Variants in NDST1 observed in about 807,000 individuals in gnomAD.
NDST1 encodes the protein bifunctional heparan sulfate N-deacetylase/N-sulfotransferase 1.
In NDST1, 35 loss-of-function variants were observed where a neutral mutation model predicts 92.8. The ratio of observed to expected loss-of-function variants is 0.38; its 90% CI spans 0.29 to 0.50. NDST1 has a LOEUF of 0.50. Among genes scored for constraint, NDST1 ranks in the 20% least tolerant of loss-of-function variants. NDST1 has a pLI of 0.94. For missense variants in NDST1, 822 were observed against 1,182.7 expected (o/e 0.69, Z 4.47); for synonymous variants, 493 against 500.3 (o/e 0.99, Z 0.19).
rs1327790716 is a variant in NDST1, at chr5:150,520,877, C to T, written c.-378C>T. On this transcript the variant is annotated 5_prime_UTR_variant, in exon 2 of 15. Coordinates refer to ENST00000261797, the MANE Select transcript of NDST1 (RefSeq NM_001543.5). ...TCTCCACTCTCCACAGCCTTAGCCC[C>T]GTGGGCCCCACGGAGTGAGCGGCAT... 18 of 472,740 alleles carry T rather than the reference C, an allele frequency of 3.8e-5. No individual in the cohort carries two copies. Among genetic ancestry groups the T allele is most frequent in the African/African-American group, 9.8e-5 (5 of 51,122 alleles). 29.3% of individuals were successfully genotyped at this position (472,740 alleles called of 1,614,324 possible). A position where few individuals can be genotyped will look rare whatever the true frequency, so the allele number is the denominator to read the frequency against.
At position 150,553,529 on chromosome 5, in the gene NDST1, G is replaced by C; in HGVS notation, c.*197G>C. 1.4e-6 allele frequency: 1 copy of C among 694,650 alleles called. No homozygotes were observed. Among genetic ancestry groups the C allele is most frequent in the South Asian group, 1.5e-5 (1 of 65,736 alleles). 43.0% of individuals were successfully genotyped at this position (694,650 alleles called of 1,614,324 possible). A position where few individuals can be genotyped will look rare whatever the true frequency, so the allele number is the denominator to read the frequency against. ...TCGGAGCACCCACCGCTGGGTCTGC[G>C]GCCTAAGGGACCTCCCTCGCCAGCA... On this transcript the variant is annotated 3_prime_UTR_variant, in exon 15 of 15. Transcript: ENST00000261797. This position sits in a 1 kb window ranked among gnomAD's most constrained non-coding sequence, Gnocchi z 4.2.
intron 6 of NDST1, among the ~76,000 whole-genome samples, chr5:150,537,644 C>A (rs1755053362): frequency 6.6e-6 from 1 of 152,230 alleles, no homozygotes; most frequent in Non-Finnish European, 1.5e-5. Flanking sequence ...TTTAATTTCG[C>A]CCCGTCCTGT....
chr5:150,507,482 T>TG (rs560374791), upstream of NDST1, among the ~76,000 whole-genome samples: 7 of 152,240 alleles, frequency 4.6e-5, no homozygotes, highest in East Asian at 1.3e-3. Context: ...GGTCTCGTCT[T>TG]TGTAAGACCC....
Position 150,528,082 on chromosome 5 carries a change from C to T in NDST1, c.792C>T (p.Ala264=). 1.2e-6 allele frequency: 2 copies of T among 1,613,788 alleles called. No homozygotes were observed. Among genetic ancestry groups the T allele is most frequent in the Non-Finnish European group, 8.5e-7 (1 of 1,179,788 alleles). The change falls in exon 3 of 15, where the codon GCC becomes GCT. Residue 264 remains alanine (A), a synonymous_variant. Coordinates refer to ENST00000261797, the MANE Select transcript of NDST1 (RefSeq NM_001543.5). ...ADAGLHAALH[A]TVVQDLGLHD... ...CCGGCCTGCATGCTGCACTGCACGC[C>T]ACTGTGGTCCAGGACCTGGGCCTGC...
chr5:150,531,554 GC>G (rs1282212481), intron 3 of NDST1, among the ~76,000 whole-genome samples: 1 of 146,940 alleles, frequency 6.8e-6, no homozygotes, highest in Non-Finnish European at 1.5e-5. Flanking sequence ...AGGCTGGAGT[GC>G]AGTGACGTTA....
At position 150,545,356 on chromosome 5, in the gene NDST1, T is replaced by C; in HGVS notation, c.2015T>C (p.Phe672Ser). 6.2e-7 allele frequency: 1 copy of C among 1,614,214 alleles called. No homozygotes were observed. The highest frequency in any genetic ancestry group is 1.7e-5 in the Admixed American group (1 of 60,028). Residue 672 changes from phenylalanine to serine, a missense_variant, in exon 11 of 15, where the codon TTC becomes TCC. Physicochemically the swap from Phe to Ser is radical, Grantham distance 155. Transcript: ENST00000261797. ...FPIPSNTTSD[F>S]YFEKSANYFD... The stretch of plus-strand genomic sequence containing the variant: ...ATCCCTTCCAACACCACCTCCGACT[T>C]CTACTTTGAGAAAAGCGCCAACTAC...
intron 2 of NDST1, among the ~76,000 whole-genome samples, chr5:150,527,524 A>G (rs1379303988): frequency 6.6e-6 from 1 of 152,242 alleles, no homozygotes; most frequent in African/African-American, 2.4e-5. Flanking sequence ...GCTATGTGTA[A>G]AATGGGTATG....
At chr5:150,513,893 G>C (rs191056471) in intron 1 of NDST1, among the ~76,000 whole-genome samples, 129 of 152,372 alleles carry the variant, frequency 8.5e-4, no homozygotes, top group African/African-American at 2.8e-3. Flanking sequence ...CAGAGCAGTG[G>C]CCACGGTTAC....
At chr5:150,517,459 C>G (rs1244245301) in intron 1 of NDST1, among the ~76,000 whole-genome samples, 1 of 152,124 alleles carries the variant, frequency 6.6e-6, no homozygotes, top group Non-Finnish European at 1.5e-5. Flanking sequence ...AAATTTGTTG[C>G]AACAGATGAC....
chr5:150,528,393 C>T (rs1754566218), intron 3 of NDST1, 95 bp downstream of exon 3: 6 of 1,382,942 alleles, frequency 4.3e-6, no homozygotes, highest in South Asian at 1.4e-5. Context: ...GTCTGCATCT[C>T]CCCTATGCTG....
intron 12 of NDST1, among the ~76,000 whole-genome samples, chr5:150,549,392 G>A (rs774611536): frequency 6.6e-6 from 1 of 152,236 alleles, no homozygotes; most frequent in Non-Finnish European, 1.5e-5. Context: ...AGCTCAGAGA[G>A]AGGCCAGAGA....
Position 150,528,064 on chromosome 5 carries a change from G to A in NDST1, c.774G>A (p.Leu258=). 1 of 1,613,652 alleles carries A rather than the reference G, an allele frequency of 6.2e-7. No individual in the cohort carries two copies. The change falls in exon 3 of 15, where the codon CTG becomes CTA. Residue 258 remains leucine (L), a synonymous_variant. Coordinates refer to ENST00000261797, the MANE Select transcript of NDST1 (RefSeq NM_001543.5). Reference sequence around the variant, plus strand: ...CACACCTGGGCGCAGACGCCGGCCTGCATGCTGCACTGCACGCCACTGTGG... The same window carrying A: ...CACACCTGGGCGCAGACGCCGGCCTACATGCTGCACTGCACGCCACTGTGG... ...SIPHLGADAG[L]HAALHATVVQ... is the part of the protein sequence containing the mutation.
intron 2 of NDST1, among the ~76,000 whole-genome samples, chr5:150,522,276 C>T (rs1754272890): frequency 6.6e-6 from 1 of 151,792 alleles, no homozygotes; most frequent in Non-Finnish European, 1.5e-5. Flanking sequence ...TGGAGTATGG[C>T]GTTAATATAC....
chr5:150,518,307 G>A (rs770160720), intron 1 of NDST1, among the ~76,000 whole-genome samples: 41 of 134,316 alleles, frequency 3.1e-4, no homozygotes, highest in Admixed American at 1.1e-3. Context: ...TCCCATCCCC[G>A]TCTGTCACAC....
upstream of NDST1, among the ~76,000 whole-genome samples, chr5:150,506,293 T>G (rs1209978824): frequency 6.6e-6 from 1 of 152,176 alleles, no homozygotes; most frequent in Non-Finnish European, 1.5e-5. Flanking sequence ...AATTTTTTTT[T>G]GTAGAGAAGG....
At chr5:150,537,734 C>T (rs781301734) in intron 6 of NDST1, among the ~76,000 whole-genome samples, 37 of 152,222 alleles carry the variant, frequency 2.4e-4, no homozygotes, top group Non-Finnish European at 5.0e-4. Context: ...ACACCCTATT[C>T]GTACGCTCCC....
At chr5:150,526,790 G>C (rs891590236) in intron 2 of NDST1, among the ~76,000 whole-genome samples, 2 of 152,212 alleles carry the variant, frequency 1.3e-5, no homozygotes, top group African/African-American at 4.8e-5. Flanking sequence ...AGGACAAATT[G>C]TACCATATTC....
intron 11 of NDST1, 45 bp downstream of exon 11, chr5:150,545,531 TC>T (rs1260695866): frequency 6.2e-7 from 1 of 1,600,740 alleles, no homozygotes; most frequent in Non-Finnish European, 8.6e-7. Context: ...AACACAGGGC[TC>T]CGTCTGACAC....
In NDST1 at chr5:150,521,333, TGCCTGTTCAGCGTTTTCATCTCG is replaced by T; in HGVS notation, c.84_106del (p.Phe29LeufsTer19). 6.2e-7 allele frequency: 1 copy of T among 1,613,548 alleles called. No individual in the cohort carries two copies. The highest frequency in any genetic ancestry group is 8.5e-7 in the Non-Finnish European group (1 of 1,179,916). ...TGTCCTTTTCCTGCTGTTCATCTTC[TGCCTGTTCAGCGTTTTCATCTCG>T]GCCTACTACCTATATGGCTGGAAGC... On this transcript the variant is annotated frameshift_variant, in exon 2 of 15. Coordinates refer to ENST00000261797, the MANE Select transcript of NDST1 (RefSeq NM_001543.5). LOFTEE classifies it high-confidence loss of function. This position sits in a 1 kb window ranked among gnomAD's most constrained non-coding sequence, Gnocchi z 5.9.
Sources: allele counts gnomAD v4.1 joint callset (sites outside exome capture counted in the v4.1 genomes callset), GRCh38; gene constraint gnomAD v4.1.1; non-coding constraint Gnocchi (gnomAD v3.1); transcripts MANE v1.5; gene names NCBI Gene and HGNC (gene_info 2026-07-23, HGNC 2026-07-21).